The following UPF1 variants were observed in gnomAD, a reference collection of about 807,000 sequenced individuals.
UPF1 encodes the protein UPF1 RNA helicase and ATPase.
Under a neutral mutation model 129.2 loss-of-function variants are expected in UPF1, and 9 were observed. The ratio of observed to expected loss-of-function variants is 0.07; its 90% CI spans 0.04 to 0.12. UPF1 has a LOEUF of 0.12. UPF1 is among the 10% of genes least tolerant of loss of function. The pLI is 1.00. For missense variants in UPF1, 788 were observed against 1,525.3 expected (o/e 0.52, Z 8.05); for synonymous variants, 649 against 644.9 (o/e 1.01, Z -0.10).
chr19:18,845,998 C>T lies in UPF1; in HGVS notation c.250C>T (p.Leu84=), dbSNP rs139570200. 3.4e-5 allele frequency: 55 copies of T among 1,614,106 alleles called. No homozygotes were observed. In the African/African-American group the frequency reaches 6.3e-4, roughly 18 times the overall value. The part of the protein sequence containing the change: ...LDAQVGPEGI[L]QNGAVDDSVA... ...GCTGCAGGTTGGGCCCGAAGGCATCCTGCAGAACGGGGCTGTGGACGACAG... is the reference window on the plus strand; with the variant it reads ...GCTGCAGGTTGGGCCCGAAGGCATCTTGCAGAACGGGGCTGTGGACGACAG... The change falls in exon 2 of 24, where the codon CTG becomes TTG. Residue 84 remains leucine (L), a synonymous_variant. Transcript: ENST00000262803.
chr19:18,856,323 A>G (rs749776110), intron 13 of UPF1, 23 bp downstream of exon 13: 5 of 1,577,648 alleles, frequency 3.2e-6, no homozygotes, highest in African/African-American at 2.7e-5. Context: ...CCTGCCTGCA[A>G]AAGGGCCTGT....
At chr19:18,864,920 G>A (rs1357046667) in intron 20 of UPF1, among the ~76,000 whole-genome samples, 2 of 151,294 alleles carry the variant, frequency 1.3e-5, no homozygotes, top group Non-Finnish European at 2.9e-5. Flanking sequence ...TGTGTTTTTA[G>A]TAGAAACGAG....
chr19:18,843,096 T>C (rs897421600), intron 1 of UPF1, among the ~76,000 whole-genome samples: 2 of 152,196 alleles, frequency 1.3e-5, no homozygotes, highest in Non-Finnish European at 2.9e-5. Flanking sequence ...GTGCTGGGAT[T>C]ACAGGTATGA....
In UPF1 at chr19:18,857,914, C is replaced by T. The variant is rs117597345; in HGVS notation, c.2182+381C>T. 8.8e-3 allele frequency among the ~76,000 whole-genome samples: 1,340 copies of T among 152,340 alleles called. 15 individuals carry two copies. The highest frequency in any genetic ancestry group is 0.014 in the Admixed American group (209 of 15,302). On this transcript the variant is annotated intron_variant, in intron 15 of 23. Coordinates refer to ENST00000262803, the MANE Select transcript of UPF1 (RefSeq NM_002911.4). ...CCTGGGCCCCTGGGGCCCGCAAGAC[C>T]GTGTCCGGCTTCCCTGGATAACACA...
intron 1 of UPF1, among the ~76,000 whole-genome samples, chr19:18,842,861 C>T (rs3787047): frequency 0.8 from 120,816 of 151,534 alleles, 48,315 homozygotes; most frequent in Admixed American, 0.85. Flanking sequence ...GTGGCGCATG[C>T]CTGTAATCCC....
chr19:18,836,994 C>T (rs1039695928), intron 1 of UPF1, among the ~76,000 whole-genome samples: 2 of 151,924 alleles, frequency 1.3e-5, no homozygotes, highest in Non-Finnish European at 2.9e-5. Flanking sequence ...CCTCGTGTTC[C>T]GCCCTCCTCT....
rs369640822 is a variant in UPF1 at position 18,855,973 on chromosome 19, G to A, written c.1593G>A (p.Thr531=). 3.1e-6 allele frequency: 5 copies of A among 1,613,972 alleles called. No individual in the cohort carries two copies. The highest frequency in any genetic ancestry group is 1.7e-5 in the Admixed American group (1 of 60,030). ...GCAACATCGCCGTGGACCAGCTAAC[G>A]GAGAAGATCCACCAGACGGGGCTAA... ...APSNIAVDQL[T]EKIHQTGLKV... is the part of the protein sequence containing the mutation. Residue 531 remains threonine (T), a synonymous_variant, in exon 12 of 24, where the codon ACG becomes ACA. Transcript: ENST00000262803.
rs1164666530 is a variant in UPF1 at position 18,864,232 on chromosome 19, CTATGATCGGAGCAGCCAG to C, written c.2839_2856del (p.Tyr947_Gln952del). On this transcript the variant is annotated inframe_deletion and splice_region_variant, in exon 20 of 24. Coordinates refer to ENST00000262803, the MANE Select transcript of UPF1 (RefSeq NM_002911.4). ...GGGAGGCCATCATCCCAGGCTCCGTCTATGATCGGAGCAGCCAGGGTGAGTCGCTCAGCAGGGGACCTG... is the reference window on the plus strand; with the variant it reads ...GGGAGGCCATCATCCCAGGCTCCGTCGGTGAGTCGCTCAGCAGGGGACCTG... The C allele has an allele frequency of 1.9e-6, 3 of 1,613,390 alleles. No individual in the cohort carries two copies. The highest frequency in any genetic ancestry group is 1.3e-5 in the African/African-American group (1 of 74,950).
At chr19:18,836,647 TC>T (rs2055486193) in intron 1 of UPF1, among the ~76,000 whole-genome samples, 1 of 152,156 alleles carries the variant, frequency 6.6e-6, no homozygotes, top group Admixed American at 6.6e-5. Flanking sequence ...TTGATGTATG[TC>T]AGTTTCTAAA....
intron 5 of UPF1, 29 bp from the exon 6 acceptor site, chr19:18,852,106 G>C (rs369216621): frequency 1.3e-6 from 2 of 1,573,970 alleles, no homozygotes; most frequent in Non-Finnish European, 1.7e-6. Context: ...AAAACAGGAC[G>C]AGTGTGGCGC....
chr19:18,852,824 A>T (rs929541864), intron 6 of UPF1, among the ~76,000 whole-genome samples, 163 bp from the exon 7 acceptor site: 1 of 151,938 alleles, frequency 6.6e-6, no homozygotes, highest in Non-Finnish European at 1.5e-5. Flanking sequence ...TCTCTTTCAG[A>T]TGTGCCCTTG....
Position 18,856,096 on chromosome 19 carries a change from G to A in UPF1, c.1709+7G>A. On this transcript the variant is annotated splice_region_variant and intron_variant, in intron 12 of 23. Coordinates refer to ENST00000262803, the MANE Select transcript of UPF1 (RefSeq NM_002911.4). ...AGATCAGGAACATGGACAGGTGTGT[G>A]TCGAGTCCATCCCTCCCAGTTGGTC... 1 of 1,612,416 alleles carries A rather than the reference G, an allele frequency of 6.2e-7. No homozygotes were observed. Among genetic ancestry groups the A allele is most frequent in the South Asian group, 1.1e-5 (1 of 91,028 alleles).
intron 1 of UPF1, among the ~76,000 whole-genome samples, chr19:18,841,644 T>C (rs1162621746): frequency 6.6e-6 from 1 of 152,234 alleles, no homozygotes; most frequent in African/African-American, 2.4e-5. Context: ...CCTTCTGGAC[T>C]GAACCCCTCA....
chr19:18,863,184 A>C, intron 18 of UPF1: 1 of 442,864 alleles, frequency 2.3e-6, no homozygotes, highest in Non-Finnish European at 4.1e-6. Flanking sequence ...TCTTCTCTCC[A>C]AACGTATCCA....
chr19:18,861,084 C>T (rs2055773968), intron 17 of UPF1, 102 bp downstream of exon 17: 3 of 1,430,660 alleles, frequency 2.1e-6, no homozygotes, highest in Non-Finnish European at 2.8e-6. Context: ...CTGGCTGGAG[C>T]TCAGAATGGC....
At chr19:18,863,365 C>A in intron 18 of UPF1, 73 bp from the exon 19 acceptor site, 1 of 1,559,320 alleles carries the variant, frequency 6.4e-7, no homozygotes. Flanking sequence ...GTGAATGCAG[C>A]CTTGCCTCTT....
At position 18,851,341 on chromosome 19, in the gene UPF1, A is replaced by C. The variant is rs539651078; in HGVS notation, c.810+473A>C. 2.0e-5 allele frequency among the ~76,000 whole-genome samples: 3 copies of C among 152,300 alleles called. No individual in the cohort carries two copies. The highest frequency in any genetic ancestry group is 3.4e-3 in the Middle Eastern group (1 of 294). On this transcript the variant is annotated intron_variant, in intron 5 of 23. Transcript: ENST00000262803. This position sits in a 1 kb window ranked among gnomAD's most constrained non-coding sequence, Gnocchi z 4.2. ...GGCCCTCCTTCCACAGACAGCCCTCACTTTTCCCCACGGAAGCCTTTCTGT... is the reference window on the plus strand; with the variant it reads ...GGCCCTCCTTCCACAGACAGCCCTCCCTTTTCCCCACGGAAGCCTTTCTGT...
At position 18,832,022 on chromosome 19, in the gene UPF1, G is replaced by C; in HGVS notation, c.-188G>C. On this transcript the variant is annotated 5_prime_UTR_variant, in exon 1 of 24. Transcript: ENST00000262803. This position sits in a 1 kb window ranked among gnomAD's most constrained non-coding sequence, Gnocchi z 5.6. Reference sequence around the variant, plus strand: ...GGGGAGCTGAGGCGCGGAGGGGCTCGGCGGCAGCGGCGGCGGCTCGGCACT... The same window carrying C: ...GGGGAGCTGAGGCGCGGAGGGGCTCCGCGGCAGCGGCGGCGGCTCGGCACT... 2.5e-6 allele frequency: 1 copy of C among 393,100 alleles called. No homozygotes were observed. The highest frequency in any genetic ancestry group is 8.4e-5 in the South Asian group (1 of 11,878). The allele number at this position is 393,100 out of a possible 1,614,324, so 24.4% of individuals were successfully genotyped here. A position where few individuals can be genotyped will look rare whatever the true frequency, so the allele number is the denominator to read the frequency against.
At chr19:18,843,046 A>C (rs565362422) in intron 1 of UPF1, among the ~76,000 whole-genome samples, 1 of 151,890 alleles carries the variant, frequency 6.6e-6, no homozygotes, top group Admixed American at 6.6e-5. Context: ...GGCTATTCTC[A>C]AACCCTGGGC....
Sources: allele counts gnomAD v4.1 joint callset (sites outside exome capture counted in the v4.1 genomes callset), GRCh38; gene constraint gnomAD v4.1.1; non-coding constraint Gnocchi (gnomAD v3.1); transcripts MANE v1.5; gene names NCBI Gene and HGNC (gene_info 2026-07-23, HGNC 2026-07-21).